Variants in DYSF observed in about 807,000 individuals in gnomAD.
DYSF encodes dystrophy-associated fer-1-like 1.
DYSF carries 212 observed loss-of-function variants against 274.9 expected under a neutral mutation model. The observed-to-expected ratio is 0.77, with a 90% CI of 0.69 to 0.86. DYSF has a LOEUF of 0.86. DYSF is among the 40% of genes least tolerant of loss of function. DYSF has a pLI of 0.00. For synonymous variants in DYSF, 1,091 were observed against 1,078.7 expected (o/e 1.01, Z -0.22); for missense variants, 2,666 against 2,783.2 (o/e 0.96, Z 0.95).
intron 12 of DYSF, among the ~76,000 whole-genome samples, 166 bp downstream of exon 12, chr2:71,521,070 G>A (rs932356304): frequency 2.0e-5 from 3 of 152,250 alleles, no homozygotes; most frequent in African/African-American, 7.2e-5. Flanking sequence ...AAAAATGAAT[G>A]CTCTGGGTGC....
At position 71,520,185 on chromosome 2, in the gene DYSF, T is replaced by C. The variant is rs2087103099; in HGVS notation, c.1010T>C (p.Val337Ala). The stretch of plus-strand genomic sequence containing the variant: ...TCCTCTCATTGATTGCAGATGGACG[T>C]GGGCACCATTTACAGAGAGCCCCGT... ...DALLGEFRMD[V>A]GTIYREPRHA... Residue 337 changes from valine to alanine, a missense_variant, in exon 11 of 56, where the codon GTG (valine) becomes GCG (alanine). Coordinates refer to ENST00000410020, the MANE Select transcript of DYSF (RefSeq NM_001130987.2). 10 of 1,614,234 alleles carry C rather than the reference T, an allele frequency of 6.2e-6. No individual in the cohort carries two copies. The highest frequency in any genetic ancestry group is 8.5e-6 in the Non-Finnish European group (10 of 1,180,044).
intron 35 of DYSF, 32 bp downstream of exon 35, chr2:71,601,560 A>G: frequency 6.2e-7 from 1 of 1,613,782 alleles, no homozygotes; most frequent in South Asian, 1.1e-5. Flanking sequence ...CCTTCTTCAA[A>G]CTGATTGCCA....
At chr2:71,620,649 C>A in intron 41 of DYSF, 40 bp downstream of exon 41, 1 of 1,326,266 alleles carries the variant, frequency 7.5e-7, no homozygotes, top group Non-Finnish European at 1.0e-6. Context: ...CTTGTATTCC[C>A]TTGTGGGGCT....
Position 71,553,161 on chromosome 2 carries a change from A to T in DYSF, c.1957A>T (p.Thr653Ser). 2 of 1,613,936 alleles carry T rather than the reference A, an allele frequency of 1.2e-6. No individual in the cohort carries two copies. Among genetic ancestry groups the T allele is most frequent in the Non-Finnish European group, 1.7e-6 (2 of 1,180,016 alleles). Residue 653 changes from threonine (T) to serine (S), a missense_variant, in exon 20 of 56, where the codon ACT becomes TCT. Coordinates refer to ENST00000410020, the MANE Select transcript of DYSF (RefSeq NM_001130987.2). ...DMTCLPLASTTQYSRAVFDGC... is the reference protein window; with the variant it reads ...DMTCLPLASTSQYSRAVFDGC... ...GACCTGCCTGCCGCTGGCCTCCACCACTCAGTACAGCCGTGCAGTCTTTGA... is the reference window on the plus strand; with the variant it reads ...GACCTGCCTGCCGCTGGCCTCCACCTCTCAGTACAGCCGTGCAGTCTTTGA...
chr2:71,580,528 T>C (rs1477158640), intron 30 of DYSF, among the ~76,000 whole-genome samples: 1 of 152,162 alleles, frequency 6.6e-6, no homozygotes, highest in African/African-American at 2.4e-5. Context: ...CAGGCTTGGT[T>C]CCCAGAGCTG....
At chr2:71,514,670 G>T (rs2086469676) in intron 7 of DYSF, among the ~76,000 whole-genome samples, 1 of 151,852 alleles carries the variant, frequency 6.6e-6, no homozygotes, top group Non-Finnish European at 1.5e-5. Flanking sequence ...TTAAAAGCAA[G>T]AATCTTAAAT....
At chr2:71,487,452 A>AG (rs887179025) in intron 3 of DYSF, among the ~76,000 whole-genome samples, 1 of 152,142 alleles carries the variant, frequency 6.6e-6, no homozygotes, top group Non-Finnish European at 1.5e-5. Flanking sequence ...CCAGGATGGC[A>AG]GGGGGGCAGT....
intron 35 of DYSF, 98 bp downstream of exon 35, chr2:71,601,626 G>A (rs1199490248): frequency 3.3e-6 from 5 of 1,522,996 alleles, no homozygotes; most frequent in Middle Eastern, 1.7e-4. Flanking sequence ...GCATTACCGC[G>A]ATCCTGCCTC....
chr2:71,631,659 G>A (rs1216134210), intron 41 of DYSF, among the ~76,000 whole-genome samples: 1 of 152,174 alleles, frequency 6.6e-6, no homozygotes, highest in African/African-American at 2.4e-5. Context: ...TAGCTATTTG[G>A]AGTAATTGGT....
intron 41 of DYSF, among the ~76,000 whole-genome samples, chr2:71,634,322 G>C (rs752333757): frequency 4.4e-4 from 67 of 152,362 alleles, no homozygotes; most frequent in South Asian, 1.9e-3. Flanking sequence ...CATTTGGAAT[G>C]AGAAAACATA....
chr2:71,481,411 G>T (rs1159400705), intron 2 of DYSF, among the ~76,000 whole-genome samples: 1 of 152,244 alleles, frequency 6.6e-6, no homozygotes, highest in Non-Finnish European at 1.5e-5. Context: ...GGGGTCGGAT[G>T]CACAGGGGAG....
chr2:71,483,384 A>G (rs540481704), intron 3 of DYSF, among the ~76,000 whole-genome samples: 1 of 152,340 alleles, frequency 6.6e-6, no homozygotes, highest in South Asian at 2.1e-4. Flanking sequence ...GCAGCCCTGG[A>G]CAGTGGGCAG....
At chr2:71,560,417 G>GCCCCAGCACAGGGCTCCGGCCCATGCCCC (rs56170138) in intron 22 of DYSF, among the ~76,000 whole-genome samples, 1 of 138,786 alleles carries the variant, frequency 7.2e-6, no homozygotes, top group Non-Finnish European at 1.5e-5. Flanking sequence ...TCCCAGGCAG[G>GCCCCAGCACAGGGCTCCGGCCCATGCCCC]CCCCCGCCCC....
At chr2:71,528,719 T>C (rs187551574) in intron 14 of DYSF, among the ~76,000 whole-genome samples, 94 of 152,258 alleles carry the variant, frequency 6.2e-4, no homozygotes, top group African/African-American at 2.2e-3. Context: ...AAACCAGACA[T>C]GAAGGCATAA....
At chr2:71,605,486 A>C (rs2093629853) in intron 36 of DYSF, among the ~76,000 whole-genome samples, 1 of 152,104 alleles carries the variant, frequency 6.6e-6, no homozygotes, top group African/African-American at 2.4e-5. Flanking sequence ...ACATGTGTAG[A>C]AGAAGACCCA....
At chr2:71,553,688 C>T (rs2091122881) in intron 20 of DYSF, 119 bp from the exon 21 acceptor site, 2 of 1,312,122 alleles carry the variant, frequency 1.5e-6, no homozygotes, top group East Asian at 2.5e-5. Flanking sequence ...CACGTGTGGT[C>T]CCTTTCCCAG....
chr2:71,462,960 G>T (rs781363075), upstream of DYSF, among the ~76,000 whole-genome samples: 19 of 152,206 alleles, frequency 1.2e-4, no homozygotes, highest in Non-Finnish European at 2.6e-4. Context: ...CTCACTCTGG[G>T]CTGAGGACTC....
At chr2:71,557,549 G>A (rs187912813) in intron 22 of DYSF, among the ~76,000 whole-genome samples, 1 of 152,146 alleles carries the variant, frequency 6.6e-6, no homozygotes, top group African/African-American at 2.4e-5. Context: ...GGCGGCGAAT[G>A]GCAGGTGCTG....
At chr2:71,488,780 A>G (rs1184062159) in intron 3 of DYSF, among the ~76,000 whole-genome samples, 1 of 152,100 alleles carries the variant, frequency 6.6e-6, no homozygotes, top group Non-Finnish European at 1.5e-5. Context: ...TCTACTCTGT[A>G]TCTTTTAGCG....
Sources: gnomAD v4.1 joint callset for allele counts (sites outside exome capture counted in the v4.1 genomes callset) on GRCh38, gnomAD v4.1.1 for gene constraint, MANE v1.5 for transcripts, NCBI Gene and HGNC (gene_info 2026-07-23, HGNC 2026-07-21) for gene names.